Variants in SCNN1G observed in about 807,000 individuals in gnomAD.
SCNN1G encodes epithelial sodium channel subunit gamma.
SCNN1G carries 27 observed loss-of-function variants against 64.6 expected under a neutral mutation model. The ratio of observed to expected loss-of-function variants is 0.42; its 90% CI spans 0.31 to 0.58. The LOEUF is 0.58. Ranked by LOEUF, SCNN1G falls within the 20% of genes least tolerant of loss-of-function variation. The probability of loss-of-function intolerance (pLI) is 0.18; values close to 1 mark genes in which losing one functional copy is unlikely to be tolerated. For synonymous variants in SCNN1G, 330 were observed against 314.2 expected (o/e 1.05, Z -0.53); for missense variants, 743 against 823.4 (o/e 0.90, Z 1.19).
intron 6 of SCNN1G, among the ~76,000 whole-genome samples, chr16:23,204,334 T>TAGAGAGAGAGAGAGAGAG (rs755322105): frequency 1.3e-4 from 2 of 15,174 alleles, no homozygotes; most frequent in South Asian, 5.8e-3. Context: ...TATATATATA[T>TAGAGAGAGAGAGAGAGAG]AGAGAGAGAG....
rs200827944 is a variant in SCNN1G at position 23,212,071 on chromosome 16, A to G, written c.1214A>G (p.Glu405Gly). The G allele has an allele frequency of 6.2e-7, 1 of 1,613,826 alleles. No homozygotes were observed. The highest frequency in any genetic ancestry group is 1.3e-5 in the African/African-American group (1 of 74,896). ...LHSCFQTKMV[E>G]KCGCAQYSQP... ...TCATGCTTCCAGACAAAGATGGTGG[A>G]GAAATGTGGGTGTGCCCAGTACAGC... Residue 405 changes from glutamate (E) to glycine (G), a missense_variant, in exon 8 of 13, where the codon GAG (glutamate) becomes GGG (glycine). Physicochemically the swap from Glu to Gly is moderately conservative, Grantham distance 98 (BLOSUM62 -2). Coordinates refer to ENST00000300061, the MANE Select transcript of SCNN1G (RefSeq NM_001039.4).
Position 23,186,219 on chromosome 16 carries a change from C to A in SCNN1G, c.-44-9C>A. ...CCAGCTCACCTGCTTCTCTTCTTTG[C>A]CCCTCCAGCACGCCCGTCCTCAGAG... On this transcript the variant is annotated splice_polypyrimidine_tract_variant and intron_variant, in intron 1 of 12. Coordinates refer to ENST00000300061, the MANE Select transcript of SCNN1G (RefSeq NM_001039.4). 6.3e-7 allele frequency: 1 copy of A among 1,577,202 alleles called. No individual in the cohort carries two copies. Among genetic ancestry groups the A allele is most frequent in the Non-Finnish European group, 8.7e-7 (1 of 1,147,148 alleles).
rs12149898 is a variant in SCNN1G at position 23,186,733 on chromosome 16, C to T, written c.317+145C>T. 0.23 allele frequency: 166,641 copies of T among 730,490 alleles called. 20,354 individuals are homozygous for T. Among genetic ancestry groups the T allele is most frequent in the Admixed American group, 0.36 (17,436 of 48,414 alleles). The allele number at this position is 730,490 out of a possible 1,614,324, so 45.3% of individuals were successfully genotyped here. On this transcript the variant is annotated intron_variant, in intron 2 of 12. Transcript: ENST00000300061. The stretch of plus-strand genomic sequence containing the variant: ...TCTAGAAATTTGAATTTGTTGCTAA[C>T]GCTGGTAAACAGCCCCCTCCCCAGT...
Position 23,209,858 on chromosome 16 carries a change from T to C in SCNN1G, c.1176+10T>C. ...TGCCTACTCGCTCCAGGTAACAGAT[T>C]GGCAGGGGCACCCAGCCCTGGGTTT... On this transcript the variant is annotated intron_variant, in intron 7 of 12. Coordinates refer to ENST00000300061, the MANE Select transcript of SCNN1G (RefSeq NM_001039.4). The C allele has an allele frequency of 1.2e-6, 2 of 1,602,758 alleles. No homozygotes were observed. Among genetic ancestry groups the C allele is most frequent in the South Asian group, 2.2e-5 (2 of 90,864 alleles).
At chr16:23,206,369 T>C (rs1959990354) in intron 6 of SCNN1G, among the ~76,000 whole-genome samples, 1 of 152,186 alleles carries the variant, frequency 6.6e-6, no homozygotes, top group Admixed American at 6.5e-5. Context: ...CTGTGGGGGC[T>C]TTGATAAAGG....
At chr16:23,199,663 C>CTTTTTTTTTTTTTTTTTTTT (rs67132706) in intron 6 of SCNN1G, among the ~76,000 whole-genome samples, 1 of 59,652 alleles carries the variant, frequency 1.7e-5, no homozygotes, top group Non-Finnish European at 3.0e-5. Flanking sequence ...CTTTTCTTTT[C>CTTTTTTTTTTTTTTTTTTTT]TTTTTTTTTT....
At chr16:23,195,209 A>G (rs745428717) in intron 5 of SCNN1G, among the ~76,000 whole-genome samples, 5 of 152,220 alleles carry the variant, frequency 3.3e-5, no homozygotes, top group Non-Finnish European at 5.9e-5. Flanking sequence ...CAATTCAGCC[A>G]TAACACATAC....
intron 11 of SCNN1G, 44 bp downstream of exon 11, chr16:23,213,207 C>A: frequency 7.1e-7 from 1 of 1,416,680 alleles, no homozygotes; most frequent in Non-Finnish European, 1.0e-6. Context: ...CCCACCACAG[C>A]CCCCAGCCTT....
intron 7 of SCNN1G, 90 bp downstream of exon 7, chr16:23,209,938 A>G: frequency 1.1e-6 from 1 of 906,206 alleles, no homozygotes; most frequent in Non-Finnish European, 1.8e-6. Flanking sequence ...GGCTTGCACC[A>G]GGAACTCTGG....
At chr16:23,209,908 T>G in intron 7 of SCNN1G, 60 bp downstream of exon 7, 1 of 1,234,818 alleles carries the variant, frequency 8.1e-7, no homozygotes, top group Non-Finnish European at 1.2e-6. Context: ...GGAGACAAAG[T>G]TATATCTAAG....
rs532734342 is a variant in SCNN1G at position 23,192,335 on chromosome 16, T to A, written c.619-17T>A. ...TAGGACCGATGGCTTCAGCCTCGCA[T>A]CTCCTCTTATTCACAGTGCTCAAAT... On this transcript the variant is annotated splice_polypyrimidine_tract_variant and intron_variant, in intron 3 of 12. Transcript: ENST00000300061. 1.2e-6 allele frequency: 2 copies of A among 1,610,208 alleles called. No homozygotes were observed. The highest frequency in any genetic ancestry group is 2.2e-5 in the South Asian group (2 of 90,978).
chr16:23,194,033 G>A (rs939534237), intron 4 of SCNN1G, 138 bp from the exon 5 acceptor site: 2 of 711,418 alleles, frequency 2.8e-6, no homozygotes, highest in African/African-American at 1.7e-5. Flanking sequence ...CATTTGATCA[G>A]GAGCAAGATG....
Position 23,215,670 on chromosome 16 carries a change from C to A in SCNN1G, c.*201C>A, listed in dbSNP as rs1026708039. Reference sequence around the variant, plus strand: ...AGCCATCGGGTACTACGCAGCAACACTCACAACTGTCCAGGCTGAGATAAA... The same window carrying A: ...AGCCATCGGGTACTACGCAGCAACAATCACAACTGTCCAGGCTGAGATAAA... On this transcript the variant is annotated 3_prime_UTR_variant, in exon 13 of 13. Transcript: ENST00000300061. 4.8e-6 allele frequency: 3 copies of A among 628,086 alleles called. No homozygotes were observed. In the African/African-American group the frequency reaches 5.5e-5, roughly 12 times the overall value. The allele number at this position is 628,086 out of a possible 1,614,324, so 38.9% of individuals were successfully genotyped here. A position where few individuals can be genotyped will look rare whatever the true frequency, so the allele number is the denominator to read the frequency against.
intron 4 of SCNN1G, among the ~76,000 whole-genome samples, chr16:23,193,913 A>G (rs1959752456): frequency 6.6e-6 from 1 of 152,200 alleles, no homozygotes; most frequent in Non-Finnish European, 1.5e-5. Context: ...GGCACAAAGA[A>G]TGTCAAGTCA....
At chr16:23,189,797 C>T (rs1959676650) in intron 3 of SCNN1G, 126 bp downstream of exon 3, 1 of 954,616 alleles carries the variant, frequency 1.0e-6, no homozygotes, top group Admixed American at 1.8e-5. Context: ...TGGGGTCAGA[C>T]ACAGTGACTC....
chr16:23,187,893 T>C (rs1959640267), intron 2 of SCNN1G, among the ~76,000 whole-genome samples: 1 of 152,118 alleles, frequency 6.6e-6, no homozygotes, highest in African/African-American at 2.4e-5. Context: ...GGGAGAAAGA[T>C]TATCAAACGA....
At position 23,214,733 on chromosome 16, in the gene SCNN1G, G is replaced by A. The variant is rs1462609581; in HGVS notation, c.1515G>A (p.Leu505=). ...GCAGGACAGACTTGGCCAAACTCTT[G>A]ATATTCTACAAAGACCTGAACCAGA... The part of the protein sequence containing the change: ...KLNKTDLAKL[L]IFYKDLNQRS... The change falls in exon 12 of 13, where the codon TTG becomes TTA. Residue 505 remains leucine, a synonymous_variant. Coordinates refer to ENST00000300061, the MANE Select transcript of SCNN1G (RefSeq NM_001039.4). 1.9e-6 allele frequency: 3 copies of A among 1,613,944 alleles called. No homozygotes were observed. Among genetic ancestry groups the A allele is most frequent in the East Asian group, 4.5e-5 (2 of 44,886 alleles).
At position 23,192,274 on chromosome 16, in the gene SCNN1G, G is replaced by T. The variant is rs72646498; in HGVS notation, c.619-78G>T. 9,260 of 1,186,126 alleles carry T rather than the reference G, an allele frequency of 7.8e-3. 62 individuals carry two copies. Among genetic ancestry groups the T allele is most frequent in the African/African-American group, 0.015 (1,008 of 66,814 alleles). The allele number at this position is 1,186,126 out of a possible 1,614,324, so 73.5% of individuals were successfully genotyped here. On this transcript the variant is annotated intron_variant, in intron 3 of 12. Transcript: ENST00000300061. ...CCTGAGTATCTGGCCTGGAGTCTCA[G>T]TCACTCATTCTTATGGTCCTTCTGA... is the stretch of plus-strand genomic sequence containing the variant.
intron 5 of SCNN1G, among the ~76,000 whole-genome samples, chr16:23,196,699 G>A (rs1230829348): frequency 1.3e-5 from 2 of 152,220 alleles, no homozygotes; most frequent in Non-Finnish European, 2.9e-5. Context: ...GGAGGTCACA[G>A]CCGATCCATG....
Sources: allele counts gnomAD v4.1 joint callset (sites outside exome capture counted in the v4.1 genomes callset), GRCh38; gene constraint gnomAD v4.1.1; transcripts MANE v1.5; gene names NCBI Gene and HGNC (gene_info 2026-07-23, HGNC 2026-07-21).